PIWIL1: variants seen among roughly 807,000 people sequenced by gnomAD.
The protein encoded by PIWIL1 is piwi-like protein 1.
A neutral mutation model predicts 114.4 loss-of-function variants in PIWIL1; 73 were observed. The observed-to-expected ratio is 0.64, with a 90% CI of 0.53 to 0.78. The LOEUF (loss-of-function observed/expected upper bound fraction) is 0.78, where lower values mean the gene tolerates loss of function less well. Ranked by LOEUF, PIWIL1 falls within the 30% of genes least tolerant of loss-of-function variation. The probability of loss-of-function intolerance (pLI) is 0.00; values close to 1 mark genes in which losing one functional copy is unlikely to be tolerated. For missense variants in PIWIL1, 723 were observed against 1,063.1 expected, an observed-to-expected ratio of 0.68 and a Z score of 4.45; for synonymous variants, 375 against 369.0, an observed-to-expected ratio of 1.02 and a Z score of -0.19.
At chr12:130,390,727 CCT>C in the PIWIL1 span, among the ~76,000 whole-genome samples, 1 of 152,068 alleles carries the variant, frequency 6.6e-6, no homozygotes. Context: ...TGGTTTGTTC[CCT>C]CTCTTTCTGC....
At chr12:130,404,001 A>G in the PIWIL1 span, among the ~76,000 whole-genome samples, 1 of 152,252 alleles carries the variant, frequency 6.6e-6, no homozygotes, top group Non-Finnish European at 1.5e-5. Context: ...TGGTATTCCT[A>G]CTAAAATACA....
chr12:130,412,272 T>C, the PIWIL1 span, among the ~76,000 whole-genome samples: 1 of 152,190 alleles, frequency 6.6e-6, no homozygotes, highest in African/African-American at 2.4e-5. Flanking sequence ...CTGAAATTTA[T>C]TGTAGACAGG....
intron 18 of PIWIL1, chr12:130,366,486 T>G (rs1011534021): frequency 2.0e-5 from 3 of 152,306 alleles, no homozygotes; most frequent in African/African-American, 7.2e-5. Context: ...GCCTGAAGAA[T>G]CCAGGTGGGG....
At chr12:130,411,965 T>C in the PIWIL1 span, among the ~76,000 whole-genome samples, 1 of 152,304 alleles carries the variant, frequency 6.6e-6, no homozygotes, top group South Asian at 2.1e-4. Flanking sequence ...GATATAAAAC[T>C]GATATCTCTC....
intron 14 of PIWIL1, among the ~76,000 whole-genome samples, chr12:130,360,741 A>G (rs2073488468): frequency 1.3e-5 from 2 of 152,016 alleles, no homozygotes; most frequent in South Asian, 4.2e-4. Context: ...TTGTCCATGG[A>G]CCTCCTGTGG....
intron 4 of PIWIL1, 59 bp downstream of exon 4, chr12:130,345,937 T>C (rs2073056960): frequency 3.2e-6 from 5 of 1,568,574 alleles, no homozygotes; most frequent in African/African-American, 1.4e-5. Flanking sequence ...GGACAGTGAA[T>C]TGAGGCACTT....
the PIWIL1 span, among the ~76,000 whole-genome samples, chr12:130,386,476 CCTT>C: frequency 8.8e-6 from 1 of 113,560 alleles, no homozygotes; most frequent in Non-Finnish European, 1.8e-5. Flanking sequence ...GCACACTACC[CCTT>C]CCTGTCTCCA....
chr12:130,371,096 T>C (rs2073805359), intron 19 of PIWIL1, 80 bp from the exon 20 acceptor site: 1 of 1,183,770 alleles, frequency 8.4e-7, no homozygotes. Flanking sequence ...TGAAGAGTGG[T>C]ACAGAGCTTT....
the PIWIL1 span, chr12:130,407,905 T>A: frequency 7.5e-7 from 1 of 1,329,680 alleles, no homozygotes; most frequent in Non-Finnish European, 1.1e-6. Flanking sequence ...TCCTTCCGGG[T>A]CACACATGGC....
In PIWIL1 at chr12:130,342,648, G is replaced by C; in HGVS notation, c.57G>C (p.Ala19=). The C allele has an allele frequency of 1.9e-6, 3 of 1,613,424 alleles. No homozygotes were observed. Among genetic ancestry groups the C allele is most frequent in the Non-Finnish European group, 2.5e-6 (3 of 1,179,486 alleles). The change falls in exon 2 of 21, where the codon GCG becomes GCC. Residue 19 remains alanine (A), a synonymous_variant. Transcript: ENST00000245255. ...GAAGGGCCCGCGGTCAGGAGACAGC[G>C]CAGCTGGTGGGCTCCACTGCCGTGA... ...ARGRARGQET[A]QLVGSTASQQ...
chr12:130,346,904 G>A (rs2073084619), intron 5 of PIWIL1, 37 bp from the exon 6 acceptor site: 1 of 1,600,156 alleles, frequency 6.2e-7, no homozygotes, highest in Non-Finnish European at 8.5e-7. Context: ...GTCCTTTAAG[G>A]ATTTAAAGTT....
chr12:130,377,404 T>C (rs757787477), downstream of PIWIL1, among the ~76,000 whole-genome samples: 1 of 152,174 alleles, frequency 6.6e-6, no homozygotes, highest in Non-Finnish European at 1.5e-5. Context: ...TAGCAACCCC[T>C]AATGTCGGTG....
chr12:130,414,197 G>T, the PIWIL1 span: 1 of 1,614,204 alleles, frequency 6.2e-7, no homozygotes, highest in Non-Finnish European at 8.5e-7. Flanking sequence ...TGGTGAGCGG[G>T]TCGTAGTCAA....
At chr12:130,370,008 G>A (rs891202438) in intron 19 of PIWIL1, among the ~76,000 whole-genome samples, 1 of 152,248 alleles carries the variant, frequency 6.6e-6, no homozygotes, top group East Asian at 1.9e-4. Context: ...CTGGGAAGCC[G>A]GGCTTGGATT....
the PIWIL1 span, chr12:130,406,224 G>A: frequency 1.2e-6 from 2 of 1,603,546 alleles, no homozygotes; most frequent in Non-Finnish European, 1.7e-6. Context: ...AATATCTCCT[G>A]TGCAAAATGT....
chr12:130,356,869 C>A (rs1333643709), intron 12 of PIWIL1, 49 bp from the exon 13 acceptor site: 1 of 1,344,498 alleles, frequency 7.4e-7, no homozygotes, highest in Admixed American at 2.0e-5. Flanking sequence ...TTGGCTTGAT[C>A]ACTGAGAACT....
At chr12:130,347,116 G>A in intron 6 of PIWIL1, 54 bp downstream of exon 6, 1 of 1,310,126 alleles carries the variant, frequency 7.6e-7, no homozygotes, top group Non-Finnish European at 1.1e-6. Flanking sequence ...TGAAATAATT[G>A]TACATTGAAC....
chr12:130,346,281 G>T, intron 4 of PIWIL1, 89 bp from the exon 5 acceptor site: 1 of 969,116 alleles, frequency 1.0e-6, no homozygotes, highest in Non-Finnish European at 1.6e-6. Context: ...TTGTGTTTAC[G>T]GAACTGTGCC....
chr12:130,401,442 T>C, the PIWIL1 span, among the ~76,000 whole-genome samples: 1 of 152,044 alleles, frequency 6.6e-6, no homozygotes, highest in South Asian at 2.1e-4. Flanking sequence ...ATGTAGATTT[T>C]ATCACAAAAA....
Sources: gnomAD v4.1 joint callset for allele counts (sites outside exome capture counted in the v4.1 genomes callset) on GRCh38, gnomAD v4.1.1 for gene constraint, MANE v1.5 for transcripts, NCBI Gene and HGNC (gene_info 2026-07-23, HGNC 2026-07-21) for gene names.